Variants in IL1RAPL1 observed in about 807,000 individuals in gnomAD.
IL1RAPL1 encodes interleukin-1 receptor accessory protein-like 1.
Under a neutral mutation model 48.4 loss-of-function variants are expected in IL1RAPL1, and 3 were observed. That is an observed-to-expected ratio of 0.06 (90% CI 0.03 to 0.16). The LOEUF (loss-of-function observed/expected upper bound fraction) is 0.16, where lower values mean the gene tolerates loss of function less well. IL1RAPL1 is among the 10% of genes least tolerant of loss of function. The pLI, the probability that IL1RAPL1 is intolerant of heterozygous loss-of-function variation, is 1.00. For missense variants in IL1RAPL1, 349 were observed against 530.6 expected, an observed-to-expected ratio of 0.66 and a Z score of 3.36; for synonymous variants, 185 against 187.7, an observed-to-expected ratio of 0.99 and a Z score of 0.12.
intron 2 of IL1RAPL1, among the ~76,000 whole-genome samples, chrX:28,873,355 A>C (rs1922259287): frequency 9.6e-6 from 1 of 104,308 alleles, no homozygotes; most frequent in African/African-American, 3.5e-5. Context: ...AGGTGATCCG[A>C]CCTCCTTGGC....
intron 1 of IL1RAPL1, among the ~76,000 whole-genome samples, chrX:28,653,349 C>T (rs906464451): frequency 9.1e-6 from 1 of 110,413 alleles, no homozygotes; most frequent in African/African-American, 3.3e-5. Context: ...GTGGCAGGCA[C>T]CTGTAATCCC....
chrX:28,759,594 C>T (rs760007484), intron 1 of IL1RAPL1, among the ~76,000 whole-genome samples: 15 of 112,014 alleles, frequency 1.3e-4, no homozygotes, highest in Non-Finnish European at 9.4e-5. Context: ...AGGAAGCATA[C>T]ATTTGGCCTG....
intron 5 of IL1RAPL1, among the ~76,000 whole-genome samples, chrX:29,509,958 A>T (rs113146005): frequency 0.022 from 2,483 of 111,875 alleles, 94 homozygotes; most frequent in African/African-American, 0.076. Flanking sequence ...CAATGGGATC[A>T]CTCATAGTAA....
chrX:29,111,697 C>T (rs774033366), intron 2 of IL1RAPL1, among the ~76,000 whole-genome samples: 2 of 111,286 alleles, frequency 1.8e-5, no homozygotes, highest in South Asian at 3.8e-4. Context: ...TCACAAATAA[C>T]GCTAAGATGT....
chrX:29,341,195 C>T (rs2147645506), intron 3 of IL1RAPL1, among the ~76,000 whole-genome samples: 1 of 106,591 alleles, frequency 9.4e-6, no homozygotes, highest in Admixed American at 1.0e-4. Context: ...ATTATAACTC[C>T]ATCTTAACAC....
At chrX:28,764,139 C>G (rs1936208068) in intron 1 of IL1RAPL1, among the ~76,000 whole-genome samples, 1 of 111,019 alleles carries the variant, frequency 9.0e-6, no homozygotes, top group South Asian at 3.8e-4. Flanking sequence ...GGTTAAAGCA[C>G]TTTAGAGTTA....
intron 1 of IL1RAPL1, among the ~76,000 whole-genome samples, chrX:28,781,057 G>T (rs180895288): frequency 9.1e-6 from 1 of 110,206 alleles, no homozygotes; most frequent in East Asian, 2.8e-4. Context: ...TATTTAAGGT[G>T]GTATATTATT....
At chrX:28,972,198 T>G (rs1286421268) in intron 2 of IL1RAPL1, among the ~76,000 whole-genome samples, 1 of 111,441 alleles carries the variant, frequency 9.0e-6, no homozygotes, top group African/African-American at 3.3e-5. Flanking sequence ...TCCAGATCTA[T>G]TCATTGCCTA....
At chrX:28,914,267 C>T (rs773876770) in intron 2 of IL1RAPL1, among the ~76,000 whole-genome samples, 6 of 110,615 alleles carry the variant, frequency 5.4e-5, no homozygotes, top group Non-Finnish European at 1.1e-4. Context: ...GAAATATGGA[C>T]TCTATACTTA....
At chrX:28,976,212 G>A (rs1314799798) in intron 2 of IL1RAPL1, among the ~76,000 whole-genome samples, 1 of 111,760 alleles carries the variant, frequency 8.9e-6, no homozygotes, top group East Asian at 2.8e-4. Context: ...AAATGAAAGA[G>A]GGTTGGCACA....
intron 4 of IL1RAPL1, among the ~76,000 whole-genome samples, chrX:29,397,208 T>G (rs984682826): frequency 5.3e-5 from 6 of 112,197 alleles, no homozygotes; most frequent in Non-Finnish European, 9.4e-5. Flanking sequence ...TAAAGAATCC[T>G]TATGTAACAT....
At chrX:29,752,887 C>T (rs1308734323) in intron 6 of IL1RAPL1, among the ~76,000 whole-genome samples, 1 of 111,939 alleles carries the variant, frequency 8.9e-6, no homozygotes, top group Non-Finnish European at 1.9e-5. Context: ...CCTGTGGTCT[C>T]AAACATATGA....
At chrX:29,429,378 G>A (rs753258510) in intron 5 of IL1RAPL1, among the ~76,000 whole-genome samples, 1 of 112,398 alleles carries the variant, frequency 8.9e-6, no homozygotes, top group South Asian at 3.7e-4. Context: ...ACACAATTTA[G>A]TTTTGGAATA....
chrX:29,721,094 C>A (rs1423671851), intron 6 of IL1RAPL1, among the ~76,000 whole-genome samples: 1 of 111,712 alleles, frequency 9.0e-6, no homozygotes, highest in Non-Finnish European at 1.9e-5. Context: ...CAGGACATTA[C>A]CAAGGTAGGG....
chrX:29,718,057 C>T (rs1022630438), intron 6 of IL1RAPL1, among the ~76,000 whole-genome samples: 3 of 111,892 alleles, frequency 2.7e-5, no homozygotes, highest in African/African-American at 9.7e-5. Flanking sequence ...AATTCTTCCT[C>T]ATCTCCCCAC....
At chrX:29,416,352 A>G (rs150656716) in intron 5 of IL1RAPL1, among the ~76,000 whole-genome samples, 54 of 111,459 alleles carry the variant, frequency 4.8e-4, no homozygotes, top group African/African-American at 1.6e-3. Flanking sequence ...AGTTCGAGAC[A>G]TGGTGACACC....
intron 5 of IL1RAPL1, among the ~76,000 whole-genome samples, chrX:29,463,505 A>C (rs1043547029): frequency 9.0e-5 from 10 of 111,371 alleles, no homozygotes; most frequent in African/African-American, 3.3e-4. Flanking sequence ...GTCAGGGTTT[A>C]TTTTTTTCTT....
At chrX:29,495,558 C>A (rs1035831165) in intron 5 of IL1RAPL1, among the ~76,000 whole-genome samples, 5 of 111,413 alleles carry the variant, frequency 4.5e-5, no homozygotes, top group African/African-American at 1.3e-4. Flanking sequence ...GCCCAAATCT[C>A]TTTTGCTGAC....
At chrX:28,678,259 C>T (rs142029783) in intron 1 of IL1RAPL1, among the ~76,000 whole-genome samples, 2,372 of 111,091 alleles carry the variant, frequency 0.021, 59 homozygotes, top group African/African-American at 0.074. Flanking sequence ...TTGGAAGATC[C>T]GGTTTGCATC....
Sources: gnomAD v4.1 joint callset for allele counts (sites outside exome capture counted in the v4.1 genomes callset) on GRCh38, gnomAD v4.1.1 for gene constraint, MANE v1.5 for transcripts, NCBI Gene and HGNC (gene_info 2026-07-23, HGNC 2026-07-21) for gene names.